The following NCK2 variants were observed in gnomAD, a reference collection of about 807,000 sequenced individuals.
NCK2 encodes cytoplasmic protein NCK2.
A neutral mutation model predicts 33.9 loss-of-function variants in NCK2; 16 were observed. The ratio of observed to expected loss-of-function variants is 0.47; its 90% CI spans 0.32 to 0.72. The LOEUF is 0.72. NCK2 is among the 30% of genes least tolerant of loss of function. The pLI is 0.03. For synonymous variants in NCK2, 273 were observed against 239.9 expected, an observed-to-expected ratio of 1.14 and a Z score of -1.27; for missense variants, 418 against 537.3, an observed-to-expected ratio of 0.78 and a Z score of 2.19.
intron 3 of NCK2, among the ~76,000 whole-genome samples, chr2:105,857,599 A>G (rs1250808455): frequency 6.6e-6 from 1 of 152,246 alleles, no homozygotes; most frequent in Admixed American, 6.5e-5. Flanking sequence ...GTTCTTGGGA[A>G]ACATTCCTGT....
At chr2:105,808,059 T>C in intron 1 of NCK2, among the ~76,000 whole-genome samples, 1 of 151,992 alleles carries the variant, frequency 6.6e-6, no homozygotes, top group East Asian at 1.9e-4. Flanking sequence ...TGTACCGCTA[T>C]GCCCAGCTAG....
chr2:105,835,797 A>G (rs10169998), intron 2 of NCK2, among the ~76,000 whole-genome samples: 45,240 of 151,600 alleles, frequency 0.3, 7,455 homozygotes, highest in South Asian at 0.41. Context: ...CCCACATGTC[A>G]GGTAGGCTTT....
At chr2:105,764,787 C>A (rs1689882715) in intron 1 of NCK2, among the ~76,000 whole-genome samples, 1 of 152,210 alleles carries the variant, frequency 6.6e-6, no homozygotes, top group South Asian at 2.1e-4. Flanking sequence ...ATTTGCAGCT[C>A]ATCCTTGTAA....
chr2:105,872,837 C>T (rs575857465), intron 3 of NCK2, among the ~76,000 whole-genome samples: 4 of 152,200 alleles, frequency 2.6e-5, no homozygotes, highest in Non-Finnish European at 4.4e-5. Flanking sequence ...AGAAATGATT[C>T]GGAGAAATCT....
intron 1 of NCK2, among the ~76,000 whole-genome samples, chr2:105,780,287 C>G (rs533697230): frequency 1.3e-5 from 2 of 151,740 alleles, no homozygotes; most frequent in South Asian, 4.2e-4. Flanking sequence ...ATTTAGATGT[C>G]TGTCACATTT....
At chr2:105,870,297 C>G (rs1410629798) in intron 3 of NCK2, among the ~76,000 whole-genome samples, 1 of 152,236 alleles carries the variant, frequency 6.6e-6, no homozygotes, top group African/African-American at 2.4e-5. Context: ...CTAACCCCCA[C>G]CCAGGCAGGG....
intron 1 of NCK2, among the ~76,000 whole-genome samples, chr2:105,746,757 TC>T (rs1689300618): frequency 6.6e-6 from 1 of 152,126 alleles, no homozygotes; most frequent in South Asian, 2.1e-4. Flanking sequence ...CGAGGGAAAA[TC>T]CTACCTCAGT....
At chr2:105,784,309 A>G (rs957912521) in intron 1 of NCK2, among the ~76,000 whole-genome samples, 1 of 152,142 alleles carries the variant, frequency 6.6e-6, no homozygotes, top group Non-Finnish European at 1.5e-5. Flanking sequence ...TTCTCACCCC[A>G]GTGGCATTTC....
At chr2:105,842,571 T>C (rs536920484) in intron 2 of NCK2, among the ~76,000 whole-genome samples, 2 of 152,212 alleles carry the variant, frequency 1.3e-5, no homozygotes, top group Non-Finnish European at 2.9e-5. Context: ...AATTTCCCCT[T>C]GGTCCTTTTG....
At chr2:105,832,031 A>C (rs1011552916) in intron 2 of NCK2, among the ~76,000 whole-genome samples, 10 of 151,996 alleles carry the variant, frequency 6.6e-5, no homozygotes, top group Non-Finnish European at 1.2e-4. Context: ...TGTCCTCTTC[A>C]ATTTCTTTTA....
intron 1 of NCK2, among the ~76,000 whole-genome samples, chr2:105,783,005 T>C (rs1690551706): frequency 6.6e-6 from 1 of 152,180 alleles, no homozygotes; most frequent in African/African-American, 2.4e-5. Context: ...CGACTATCAT[T>C]TGCAACAGGT....
In NCK2 at chr2:105,893,996, C is replaced by T. The variant is rs184620758; in HGVS notation, c.*820C>T. ...TACCAACACTTTATACACACACACACGTGCACACACACACACACACACACT... is the reference window on the plus strand; with the variant it reads ...TACCAACACTTTATACACACACACATGTGCACACACACACACACACACACT... On this transcript the variant is annotated 3_prime_UTR_variant, in exon 5 of 5. Transcript: ENST00000233154. 284 of 64,994 alleles carry T rather than the reference C, an allele frequency of 4.4e-3. No homozygotes were observed. The highest frequency in any genetic ancestry group is 0.01 in the South Asian group (13 of 1,300). 4.0% of individuals were successfully genotyped at this position (64,994 alleles called of 1,614,324 possible).
chr2:105,783,607 G>A (rs889233249), intron 1 of NCK2, among the ~76,000 whole-genome samples: 1 of 152,082 alleles, frequency 6.6e-6, no homozygotes, highest in Non-Finnish European at 1.5e-5. Context: ...ATAATGGTGT[G>A]TTTTTTCCAC....
intron 2 of NCK2, among the ~76,000 whole-genome samples, chr2:105,850,564 G>T (rs1677027215): frequency 6.6e-6 from 1 of 152,138 alleles, no homozygotes; most frequent in Non-Finnish European, 1.5e-5. Context: ...TATCAAATTT[G>T]TAGCCCTTCT....
intron 1 of NCK2, among the ~76,000 whole-genome samples, chr2:105,802,170 G>A (rs958043289): frequency 2.0e-5 from 3 of 152,186 alleles, no homozygotes; most frequent in South Asian, 4.1e-4. Context: ...TAGGACTCTT[G>A]AGAAGCTGAA....
intron 2 of NCK2, among the ~76,000 whole-genome samples, chr2:105,835,423 A>ATATT (rs59154186): frequency 1.8e-4 from 18 of 102,072 alleles, no homozygotes; most frequent in East Asian, 6.1e-4. Context: ...ATATATATAT[A>ATATT]TTTTTTTTTT....
chr2:105,813,160 C>T (rs1000798783), intron 1 of NCK2, among the ~76,000 whole-genome samples: 8 of 152,120 alleles, frequency 5.3e-5, no homozygotes, highest in African/African-American at 1.9e-4. Flanking sequence ...AGATGTATCT[C>T]CCAGGGTTGC....
In NCK2 at chr2:105,855,237, G is replaced by C. The variant is rs754056117; in HGVS notation, c.174G>C (p.Arg58=). 6.2e-7 allele frequency: 1 copy of C among 1,613,432 alleles called. No homozygotes were observed. Residue 58 remains arginine (R), a synonymous_variant, in exon 3 of 5, where the codon CGG becomes CGC. Coordinates refer to ENST00000233154, the MANE Select transcript of NCK2 (RefSeq NM_003581.5). ...ATGTACCGTCCAACTACGTGGAGCG[G>C]AAGAACAGCCTGAAGAAGGGCTCCC... ...TGYVPSNYVE[R]KNSLKKGSLV...
chr2:105,820,754 A>T (rs1222990888), intron 2 of NCK2, among the ~76,000 whole-genome samples: 1 of 152,236 alleles, frequency 6.6e-6, no homozygotes, highest in Non-Finnish European at 1.5e-5. Context: ...CTTGTCTGCT[A>T]TGCTGCAGAT....
Sources: gnomAD v4.1 joint callset for allele counts (sites outside exome capture counted in the v4.1 genomes callset) on GRCh38, gnomAD v4.1.1 for gene constraint, MANE v1.5 for transcripts, NCBI Gene and HGNC (gene_info 2026-07-23, HGNC 2026-07-21) for gene names.